Variants in IMMP2L observed in about 807,000 individuals in gnomAD.
IMMP2L encodes mitochondrial inner membrane protease subunit 2.
In IMMP2L, 18 loss-of-function variants were observed where a neutral mutation model predicts 19.3. The ratio of observed to expected loss-of-function variants is 0.93; its 90% CI spans 0.64 to 1.38. The LOEUF (loss-of-function observed/expected upper bound fraction) is 1.38, where lower values mean the gene tolerates loss of function less well. Ranked by LOEUF, IMMP2L falls within the 40% of genes most tolerant of loss-of-function variation. The pLI, the probability that IMMP2L is intolerant of heterozygous loss-of-function variation, is 0.00. For missense variants in IMMP2L, 233 were observed against 218.2 expected (o/e 1.07, Z -0.43); for synonymous variants, 76 against 73.0 (o/e 1.04, Z -0.21).
intron 3 of IMMP2L, among the ~76,000 whole-genome samples, chr7:111,111,937 A>AGTTTGTTT (rs1273626531): frequency 7.6e-6 from 1 of 132,018 alleles, no homozygotes; most frequent in African/African-American, 3.0e-5. Context: ...ATATATATAT[A>AGTTTGTTT]GTTTGTTTTT....
intron 3 of IMMP2L, among the ~76,000 whole-genome samples, chr7:111,056,608 T>A (rs950780743): frequency 5.3e-5 from 8 of 152,202 alleles, no homozygotes; most frequent in African/African-American, 1.9e-4. Context: ...AACTTTTGAC[T>A]CCCTCTAAAA....
intron 5 of IMMP2L, among the ~76,000 whole-genome samples, chr7:110,737,744 C>A (rs1279343012): frequency 6.6e-6 from 1 of 152,182 alleles, no homozygotes; most frequent in Admixed American, 6.5e-5. Flanking sequence ...TGGCTGAAGG[C>A]CAACCAACAA....
At chr7:110,874,033 C>T (rs759327169) in intron 5 of IMMP2L, among the ~76,000 whole-genome samples, 76 of 152,026 alleles carry the variant, frequency 5.0e-4, no homozygotes, top group Non-Finnish European at 8.8e-5. Flanking sequence ...TCACTTTCAA[C>T]CAAGTGGAAA....
In IMMP2L at chr7:111,041,000, T is replaced by G. The variant is rs919543759; in HGVS notation, c.240-77435A>C. Reference sequence around the variant, plus strand: ...GAAAAATACTCAACTTTAGCTTGCATTCACTTACAAACATACAATATCAAC... The same window carrying G: ...GAAAAATACTCAACTTTAGCTTGCAGTCACTTACAAACATACAATATCAAC... On this transcript the variant is annotated intron_variant, in intron 3 of 5. Transcript: ENST00000405709. Among the ~76,000 whole-genome samples the G allele has an allele frequency of 7.9e-5, 12 of 152,078 alleles. 1 individual carries two copies. The highest frequency in any genetic ancestry group is 1.2e-4 in the African/African-American group (5 of 41,444).
chr7:111,325,489 T>C (rs903836984), intron 3 of IMMP2L, among the ~76,000 whole-genome samples: 7 of 151,746 alleles, frequency 4.6e-5, no homozygotes, highest in Non-Finnish European at 5.9e-5. Context: ...AATTCCAAAA[T>C]ATAATTTTAA....
At chr7:111,092,126 G>GC (rs759934733) in intron 3 of IMMP2L, among the ~76,000 whole-genome samples, 3 of 152,160 alleles carry the variant, frequency 2.0e-5, no homozygotes, top group Non-Finnish European at 4.4e-5. Flanking sequence ...TTTCTGCCAG[G>GC]CTACATCTTA....
At chr7:111,231,153 GTAC>G (rs1325540602) in intron 3 of IMMP2L, among the ~76,000 whole-genome samples, 1 of 151,760 alleles carries the variant, frequency 6.6e-6, no homozygotes, top group African/African-American at 2.4e-5. Flanking sequence ...GCCTTTGCAA[GTAC>G]TTAACAACTG....
intron 3 of IMMP2L, among the ~76,000 whole-genome samples, chr7:111,184,768 A>AGT (rs34378495): frequency 0.074 from 11,149 of 150,960 alleles, 912 homozygotes; most frequent in African/African-American, 0.2. Context: ...ATGTTTAAAA[A>AGT]GTGTGTGTGT....
chr7:111,080,676 C>G (rs890595114), intron 3 of IMMP2L, among the ~76,000 whole-genome samples: 19 of 152,098 alleles, frequency 1.2e-4, no homozygotes, highest in Admixed American at 3.9e-4. Flanking sequence ...TTAAGCCAGG[C>G]TAAGGATCAT....
intron 3 of IMMP2L, among the ~76,000 whole-genome samples, chr7:111,331,863 G>C (rs37637): frequency 4.0e-5 from 6 of 151,672 alleles, no homozygotes; most frequent in African/African-American, 1.5e-4. Flanking sequence ...AGGAATTCTG[G>C]ATCCATGAGT....
intron 3 of IMMP2L, among the ~76,000 whole-genome samples, chr7:111,139,962 T>C (rs559124536): frequency 4.7e-4 from 72 of 152,264 alleles, no homozygotes; most frequent in Non-Finnish European, 8.8e-4. Flanking sequence ...TAGCCTTCCA[T>C]GGTCTCATCT....
chr7:111,086,864 T>A (rs2129577195), intron 3 of IMMP2L, among the ~76,000 whole-genome samples: 1 of 152,366 alleles, frequency 6.6e-6, no homozygotes, highest in East Asian at 1.9e-4. Flanking sequence ...CACTACTGTA[T>A]AAAAGCAACC....
intron 4 of IMMP2L, among the ~76,000 whole-genome samples, chr7:110,926,916 T>A (rs956465116): frequency 6.6e-6 from 1 of 152,276 alleles, no homozygotes; most frequent in East Asian, 1.9e-4. Context: ...ATCTTTTAAG[T>A]GACTGTGCAG....
intron 3 of IMMP2L, among the ~76,000 whole-genome samples, chr7:111,170,093 G>C (rs888247198): frequency 6.6e-6 from 1 of 151,806 alleles, no homozygotes; most frequent in East Asian, 1.9e-4. Flanking sequence ...TCAAGTAACA[G>C]TTGAAACTGC....
At chr7:110,900,121 A>T (rs986318190) in intron 4 of IMMP2L, among the ~76,000 whole-genome samples, 1 of 152,200 alleles carries the variant, frequency 6.6e-6, no homozygotes, top group African/African-American at 2.4e-5. Context: ...CTGGGTTCAT[A>T]TGGTATATGT....
intron 5 of IMMP2L, among the ~76,000 whole-genome samples, chr7:110,743,136 G>A (rs1344883445): frequency 6.6e-6 from 1 of 152,146 alleles, no homozygotes; most frequent in African/African-American, 2.4e-5. Context: ...ATATATTAAT[G>A]TAGGTTCTCA....
intron 3 of IMMP2L, among the ~76,000 whole-genome samples, chr7:111,006,540 T>C (rs111622597): frequency 3.3e-5 from 5 of 152,300 alleles, no homozygotes; most frequent in African/African-American, 1.2e-4. Context: ...AATCTTTTGA[T>C]AGACACTATA....
At chr7:111,545,876 CG>C (rs1308230526) in intron 1 of IMMP2L, among the ~76,000 whole-genome samples, 1 of 152,110 alleles carries the variant, frequency 6.6e-6, no homozygotes, top group African/African-American at 2.4e-5. Flanking sequence ...TCTTCAGCTA[CG>C]AAGTTCCAAT....
intron 3 of IMMP2L, among the ~76,000 whole-genome samples, chr7:111,445,954 C>G (rs1411617649): frequency 4.0e-5 from 6 of 151,864 alleles, no homozygotes; most frequent in Admixed American, 6.6e-5. Context: ...ATGGACGCAC[C>G]TGGAAAATCG....
Sources: allele counts gnomAD v4.1 joint callset (sites outside exome capture counted in the v4.1 genomes callset), GRCh38; gene constraint gnomAD v4.1.1; transcripts MANE v1.5; gene names NCBI Gene and HGNC (gene_info 2026-07-23, HGNC 2026-07-21).